The following MCC variants were observed in gnomAD, a reference collection of about 807,000 sequenced individuals.
The protein encoded by MCC is MCC regulator of Wnt signaling pathway.
Under a neutral mutation model 116.2 loss-of-function variants are expected in MCC, and 90 were observed. That is an observed-to-expected ratio of 0.77 (90% confidence interval 0.65 to 0.92). The LOEUF is 0.92. Among genes scored for constraint, MCC ranks in the 40% least tolerant of loss-of-function variants. The pLI, the probability that MCC is intolerant of heterozygous loss-of-function variation, is 0.00. For missense variants in MCC, 1,516 were observed against 1,312.2 expected, an observed-to-expected ratio of 1.16 and a Z score of -2.40; for synonymous variants, 578 against 510.5, an observed-to-expected ratio of 1.13 and a Z score of -1.78.
intron 5 of MCC, among the ~76,000 whole-genome samples, chr5:113,136,245 G>T (rs1199818793): frequency 6.6e-6 from 1 of 152,134 alleles, no homozygotes; most frequent in African/African-American, 2.4e-5. Flanking sequence ...TAGCATCTCA[G>T]CTGGTTAGAA....
At chr5:113,054,457 A>G (rs1314124303) in intron 14 of MCC, among the ~76,000 whole-genome samples, 1 of 152,272 alleles carries the variant, frequency 6.6e-6, no homozygotes, top group African/African-American at 2.4e-5. Context: ...TTAAGGCAAC[A>G]AAAGTTGAAG....
At chr5:113,102,056 C>CA in intron 7 of MCC, 111 bp from the exon 8 acceptor site, 1 of 1,017,986 alleles carries the variant, frequency 9.8e-7, no homozygotes, top group Non-Finnish European at 1.5e-6. Context: ...TGTTCTAGAA[C>CA]CACTTTGTTA....
In MCC at chr5:113,085,204, A is replaced by T; in HGVS notation, c.1505T>A (p.Leu502Gln). The change falls in exon 9 of 19, where the codon CTG becomes CAG. Residue 502 changes from leucine (L) to glutamine (Q), a missense_variant. By Grantham distance (113) the Leu-to-Gln change is moderately radical. Transcript: ENST00000408903. ...NRPINPSTGE[L>Q]STSSSSNDIP... is the part of the protein sequence containing the mutation. ...GTCATTGCTGCTGCTGCTTGTGCTC[A>T]GCTCCCCAGTGCTGGGGTTAATCGG... 1 of 1,614,180 alleles carries T rather than the reference A, an allele frequency of 6.2e-7. No homozygotes were observed. The highest frequency in any genetic ancestry group is 8.5e-7 in the Non-Finnish European group (1 of 1,180,032).
At chr5:113,172,483 CTTCTT>C (rs61590577) in intron 3 of MCC, among the ~76,000 whole-genome samples, 87,224 of 151,494 alleles carry the variant, frequency 0.58, 26,990 homozygotes, top group Admixed American at 0.73. Flanking sequence ...TGCACATCCT[CTTCTT>C]TTAAGTAACC....
At position 113,434,919 on chromosome 5, in the gene MCC, T is replaced by C. The variant is rs1770803814; in HGVS notation, c.171-49707A>G. On this transcript the variant is annotated intron_variant, in intron 1 of 18. Coordinates refer to ENST00000408903, the MANE Select transcript of MCC (RefSeq NM_001085377.2). This position sits in a 1 kb window ranked among gnomAD's most constrained non-coding sequence, Gnocchi z 4.2. ...TGGGCCAGCAGTGTGCTCATTTACA[T>C]CCTGGATAGAGAGTCCTTTGGGCTG... The C allele has an allele frequency of 1.3e-6, 2 of 1,514,142 alleles. No homozygotes were observed. The highest frequency in any genetic ancestry group is 1.8e-6 in the Non-Finnish European group (2 of 1,126,916). 93.8% of individuals were successfully genotyped at this position (1,514,142 alleles called of 1,614,324 possible). A position where few individuals can be genotyped will look rare whatever the true frequency, so the allele number is the denominator to read the frequency against.
At chr5:113,102,106 T>C (rs1004164255) in intron 7 of MCC, among the ~76,000 whole-genome samples, 161 bp from the exon 8 acceptor site, 1 of 151,282 alleles carries the variant, frequency 6.6e-6, no homozygotes, top group Non-Finnish European at 1.5e-5. Flanking sequence ...AAAGTTATCC[T>C]GTCTCCAATT....
At chr5:113,100,211 A>G (rs1370570147) in intron 8 of MCC, among the ~76,000 whole-genome samples, 1 of 152,230 alleles carries the variant, frequency 6.6e-6, no homozygotes, top group Non-Finnish European at 1.5e-5. Context: ...AGAAGAGTTG[A>G]TAACATTCAA....
At chr5:113,337,625 T>A (rs1039377214) in intron 3 of MCC, among the ~76,000 whole-genome samples, 3 of 152,204 alleles carry the variant, frequency 2.0e-5, no homozygotes, top group Non-Finnish European at 4.4e-5. Flanking sequence ...TACTAGTTAA[T>A]AATCATTTAT....
chr5:113,151,935 A>G (rs921764530), intron 3 of MCC, among the ~76,000 whole-genome samples: 2 of 152,220 alleles, frequency 1.3e-5, no homozygotes, highest in East Asian at 3.9e-4. Context: ...CTCATTTTTT[A>G]GATGGTCTCC....
At chr5:113,454,237 T>C (rs151174060) in intron 1 of MCC, among the ~76,000 whole-genome samples, 27 of 152,330 alleles carry the variant, frequency 1.8e-4, no homozygotes, top group African/African-American at 6.3e-4. Context: ...CCTTAGTAGC[T>C]GGGACCACAG....
chr5:113,050,691 T>C (rs1371607483), intron 15 of MCC, among the ~76,000 whole-genome samples: 1 of 152,246 alleles, frequency 6.6e-6, no homozygotes, highest in African/African-American at 2.4e-5. Context: ...GCTAATGTGA[T>C]GGTCGCTTCC....
At chr5:113,307,395 TTC>T (rs1469972128) in intron 3 of MCC, among the ~76,000 whole-genome samples, 2 of 152,238 alleles carry the variant, frequency 1.3e-5, no homozygotes, top group African/African-American at 4.8e-5. Context: ...AAGTATTTTA[TTC>T]TTTTTTAATC....
At chr5:113,225,579 G>C (rs1763701903) in intron 3 of MCC, among the ~76,000 whole-genome samples, 1 of 152,116 alleles carries the variant, frequency 6.6e-6, no homozygotes, top group African/African-American at 2.4e-5. Context: ...AACTTAAAGA[G>C]TACTTCATGA....
In MCC at chr5:113,231,958, G is replaced by A. The variant is rs771571259; in HGVS notation, c.628-80536C>T. ...ATATCTGACAACTTACTGACACTAA[G>A]TTGTACAGGACCTATATAATTTTGA... On this transcript the variant is annotated intron_variant, in intron 3 of 18. Coordinates refer to ENST00000408903, the MANE Select transcript of MCC (RefSeq NM_001085377.2). Among the ~76,000 whole-genome samples, 36 of 152,026 alleles carry A rather than the reference G, an allele frequency of 2.4e-4. 1 individual carries two copies. The highest frequency in any genetic ancestry group is 4.3e-4 in the Non-Finnish European group (29 of 68,006).
intron 3 of MCC, among the ~76,000 whole-genome samples, chr5:113,305,711 A>T (rs1236365254): frequency 6.6e-6 from 1 of 152,204 alleles, no homozygotes; most frequent in Non-Finnish European, 1.5e-5. Context: ...ATTTTTCTCC[A>T]AAGTACAGTT....
At chr5:113,117,075 AG>A in intron 6 of MCC, among the ~76,000 whole-genome samples, 1 of 152,228 alleles carries the variant, frequency 6.6e-6, no homozygotes, top group East Asian at 1.9e-4. Flanking sequence ...CCTCATTCCT[AG>A]CAAAAAGTGA....
intron 3 of MCC, among the ~76,000 whole-genome samples, chr5:113,256,849 T>G (rs577782257): frequency 1.3e-5 from 2 of 152,244 alleles, no homozygotes; most frequent in South Asian, 4.2e-4. Context: ...TTCCACACCA[T>G]ATCAGATTTT....
At chr5:113,051,914 T>A (rs1158365586) in intron 15 of MCC, among the ~76,000 whole-genome samples, 1 of 151,882 alleles carries the variant, frequency 6.6e-6, no homozygotes, top group African/African-American at 2.4e-5. Context: ...TGAGCACACA[T>A]CCCCAAGCAG....
intron 3 of MCC, among the ~76,000 whole-genome samples, chr5:113,180,645 T>C (rs964926812): frequency 1.3e-5 from 2 of 152,244 alleles, no homozygotes; most frequent in African/African-American, 4.8e-5. Flanking sequence ...GCCAGCCATT[T>C]TCTGGTAAGC....
Sources: allele counts gnomAD v4.1 joint callset (sites outside exome capture counted in the v4.1 genomes callset), GRCh38; gene constraint gnomAD v4.1.1; non-coding constraint Gnocchi (gnomAD v3.1); transcripts MANE v1.5; gene names NCBI Gene and HGNC (gene_info 2026-07-23, HGNC 2026-07-21).